The following HCK variants were observed in gnomAD, a reference collection of about 807,000 sequenced individuals.
The protein encoded by HCK is HCK proto-oncogene, Src family tyrosine kinase.
Under a neutral mutation model 70.4 loss-of-function variants are expected in HCK, and 40 were observed. The observed-to-expected ratio is 0.57, with a 90% CI of 0.44 to 0.74. The LOEUF is 0.74. HCK is among the 30% of genes least tolerant of loss of function. The pLI is 0.00. For missense variants in HCK, 568 were observed against 697.2 expected (o/e 0.81, Z 2.09); for synonymous variants, 245 against 263.2 (o/e 0.93, Z 0.67).
intron 1 of HCK, among the ~76,000 whole-genome samples, chr20:32,057,318 G>A (rs2045287512): frequency 6.6e-6 from 1 of 152,168 alleles, no homozygotes; most frequent in Non-Finnish European, 1.5e-5. Flanking sequence ...GGAACATGAA[G>A]GGCTGGGTGC....
intron 1 of HCK, among the ~76,000 whole-genome samples, chr20:32,063,636 G>T (rs1244799817): frequency 6.6e-6 from 1 of 151,992 alleles, no homozygotes; most frequent in Non-Finnish European, 1.5e-5. Context: ...ACTCTAATAG[G>T]TCTAGTACCA....
At chr20:32,091,086 G>A (rs892436903) in intron 10 of HCK, among the ~76,000 whole-genome samples, 1 of 152,212 alleles carries the variant, frequency 6.6e-6, no homozygotes, top group Non-Finnish European at 1.5e-5. Context: ...ACATCACAGA[G>A]CTGCAGCGCT....
chr20:32,067,793 T>G, intron 1 of HCK, among the ~76,000 whole-genome samples: 1 of 152,090 alleles, frequency 6.6e-6, no homozygotes, highest in East Asian at 1.9e-4. Context: ...TGAGCACAGA[T>G]GGAGTCATAG....
chr20:32,054,840 A>G (rs2045245202), intron 1 of HCK, among the ~76,000 whole-genome samples: 1 of 152,230 alleles, frequency 6.6e-6, no homozygotes, highest in Non-Finnish European at 1.5e-5. Context: ...TCTAATTGTG[A>G]GACTTTTCTG....
chr20:32,070,917 G>GGGGGAAGGAGGAGGA (rs1568974504), intron 1 of HCK, among the ~76,000 whole-genome samples: 1 of 146,348 alleles, frequency 6.8e-6, no homozygotes, highest in Middle Eastern at 3.4e-3. Flanking sequence ...GGACAGAGGA[G>GGGGGAAGGAGGAGGA]GGGGAAGGAG....
chr20:32,060,969 G>A (rs1485285308), intron 1 of HCK, among the ~76,000 whole-genome samples: 1 of 151,480 alleles, frequency 6.6e-6, no homozygotes, highest in African/African-American at 2.4e-5. Flanking sequence ...TTTTTTTTTT[G>A]TAGTTGTTGT....
intron 1 of HCK, among the ~76,000 whole-genome samples, chr20:32,068,966 G>T (rs952399786): frequency 3.9e-5 from 6 of 152,070 alleles, no homozygotes; most frequent in Non-Finnish European, 7.4e-5. Flanking sequence ...ACACTTTATT[G>T]TGCAAAAATG....
chr20:32,090,016 C>G (rs75119412), intron 10 of HCK, among the ~76,000 whole-genome samples: 2 of 152,196 alleles, frequency 1.3e-5, no homozygotes, highest in Admixed American at 6.5e-5. Context: ...AAGGGCAGGG[C>G]TCATTTGAGT....
rs1479861450 is a variant in HCK at position 32,086,702 on chromosome 20, G to A, written c.910G>A (p.Ala304Thr). 6.2e-7 allele frequency: 1 copy of A among 1,613,746 alleles called. No individual in the cohort carries two copies. Among genetic ancestry groups the A allele is most frequent in the African/African-American group, 1.3e-5 (1 of 75,032 alleles). The stretch of plus-strand genomic sequence containing the variant: ...GAGCATGTCGGTGGAGGCCTTCCTG[G>A]CAGAGGCCAACGTGATGAAAACTCT... The change falls in exon 9 of 13, where the codon GCA becomes ACA. Residue 304 changes from alanine (A) to threonine (T), a missense_variant. This residue lies in a region of HCK where 160 missense variants were observed against 237.5 expected (regional missense o/e 0.67). Coordinates refer to ENST00000375852, the MANE Select transcript of HCK (RefSeq NM_002110.5).
At chr20:32,077,397 G>C (rs1047149924) in intron 5 of HCK, among the ~76,000 whole-genome samples, 1 of 152,162 alleles carries the variant, frequency 6.6e-6, no homozygotes, top group Non-Finnish European at 1.5e-5. Context: ...CCTCCCAGAT[G>C]CTTCCTCCTT....
At chr20:32,087,472 A>G (rs2045805047) in intron 9 of HCK, among the ~76,000 whole-genome samples, 1 of 151,460 alleles carries the variant, frequency 6.6e-6, no homozygotes, top group African/African-American at 2.4e-5. Context: ...ATTTATTTAC[A>G]TATTTATTTT....
chr20:32,092,970 A>G (rs900182666), intron 10 of HCK, among the ~76,000 whole-genome samples: 3 of 150,744 alleles, frequency 2.0e-5, no homozygotes, highest in African/African-American at 7.3e-5. Flanking sequence ...TTTGAGACAG[A>G]GTCTTGCTCT....
At chr20:32,092,113 G>A (rs146953797) in intron 10 of HCK, among the ~76,000 whole-genome samples, 1,798 of 152,234 alleles carry the variant, frequency 0.012, 20 homozygotes, top group Non-Finnish European at 0.017. Flanking sequence ...AAGCCGGCCG[G>A]TGGTGCTTTG....
At chr20:32,095,620 G>A (rs2045944212) in intron 11 of HCK, among the ~76,000 whole-genome samples, 1 of 152,174 alleles carries the variant, frequency 6.6e-6, no homozygotes, top group Non-Finnish European at 1.5e-5. Context: ...GTGGTGGGGA[G>A]TTGGGAGAAA....
chr20:32,077,271 T>G (rs2045640595), intron 5 of HCK, among the ~76,000 whole-genome samples: 1 of 152,034 alleles, frequency 6.6e-6, no homozygotes, highest in Non-Finnish European at 1.5e-5. Context: ...GGCAATACTT[T>G]CAAATGTTTC....
At chr20:32,065,885 G>A (rs938493115) in intron 1 of HCK, among the ~76,000 whole-genome samples, 2 of 152,198 alleles carry the variant, frequency 1.3e-5, no homozygotes, top group African/African-American at 4.8e-5. Context: ...GACAGATGCT[G>A]AGGAGGCAGG....
At chr20:32,096,284 G>C (rs1156817704) in intron 11 of HCK, among the ~76,000 whole-genome samples, 1 of 150,966 alleles carries the variant, frequency 6.6e-6, no homozygotes, top group Non-Finnish European at 1.5e-5. Context: ...GGATCACAAG[G>C]TCAGGAGTTT....
intron 1 of HCK, among the ~76,000 whole-genome samples, chr20:32,068,281 AG>A (rs1282883632): frequency 6.6e-6 from 1 of 151,954 alleles, no homozygotes; most frequent in Non-Finnish European, 1.5e-5. Context: ...CTGGGCAACA[AG>A]AGCAAAACTC....
Position 32,084,557 on chromosome 20 carries a change from G to T in HCK, c.835+14G>T. Reference sequence around the variant, plus strand: ...AAGTCTGGATGGGTAAGGACCCAGGGCCACAGCCCACAGGGCCAGAGGGTG... The same window carrying T: ...AAGTCTGGATGGGTAAGGACCCAGGTCCACAGCCCACAGGGCCAGAGGGTG... On this transcript the variant is annotated intron_variant, in intron 8 of 12. Transcript: ENST00000375852. 6.2e-7 allele frequency: 1 copy of T among 1,609,550 alleles called. No homozygotes were observed. The highest frequency in any genetic ancestry group is 8.5e-7 in the Non-Finnish European group (1 of 1,177,654).
Sources: gnomAD v4.1 joint callset for allele counts (sites outside exome capture counted in the v4.1 genomes callset) on GRCh38, gnomAD v4.1.1 for gene constraint, gnomAD v4.1.1 regional missense constraint, MANE v1.5 for transcripts, NCBI Gene and HGNC (gene_info 2026-07-23, HGNC 2026-07-21) for gene names.